Variants in ROBO2 observed in about 807,000 individuals in gnomAD.
ROBO2 encodes roundabout homolog 2.
A neutral mutation model predicts 160.8 loss-of-function variants in ROBO2; 53 were observed. The ratio of observed to expected loss-of-function variants is 0.33; its 90% confidence interval spans 0.26 to 0.41. The LOEUF (loss-of-function observed/expected upper bound fraction) is 0.41. ROBO2 is among the 10% of genes least tolerant of loss of function. The probability of loss-of-function intolerance (pLI) is 1.00; values close to 1 mark genes in which losing one functional copy is unlikely to be tolerated. For missense variants in ROBO2, 1,577 were observed against 1,722.4 expected (o/e 0.92, Z 1.49); for synonymous variants, 664 against 611.7 (o/e 1.09, Z -1.26).
intron 2 of ROBO2, among the ~76,000 whole-genome samples, chr3:76,620,201 G>A (rs1462210826): frequency 1.3e-5 from 2 of 152,108 alleles, no homozygotes; most frequent in Non-Finnish European, 2.9e-5. Context: ...ATTTGTATAT[G>A]ATATGACTAA....
intron 2 of ROBO2, among the ~76,000 whole-genome samples, chr3:77,179,883 T>C (rs1464889695): frequency 1.3e-5 from 2 of 152,104 alleles, no homozygotes; most frequent in Non-Finnish European, 2.9e-5. Context: ...GTTAAGGAGA[T>C]AGTTTCATGA....
At chr3:76,349,111 C>T (rs1254920356) in intron 2 of ROBO2, among the ~76,000 whole-genome samples, 1 of 152,030 alleles carries the variant, frequency 6.6e-6, no homozygotes, top group African/African-American at 2.4e-5. Flanking sequence ...GATTTAAACT[C>T]TGCATAAGTG....
intron 2 of ROBO2, among the ~76,000 whole-genome samples, chr3:75,947,337 A>T (rs932655269): frequency 1.3e-5 from 2 of 152,162 alleles, no homozygotes; most frequent in African/African-American, 4.8e-5. Context: ...TAAAGTCATG[A>T]ATCTAGGTGA....
chr3:75,969,700 T>A (rs1388720346), intron 2 of ROBO2, among the ~76,000 whole-genome samples: 1 of 151,654 alleles, frequency 6.6e-6, no homozygotes, highest in Non-Finnish European at 1.5e-5. Flanking sequence ...ATGTCTTTTT[T>A]AAATAACATC....
intron 2 of ROBO2, among the ~76,000 whole-genome samples, chr3:76,051,726 C>T (rs2067659865): frequency 6.6e-6 from 1 of 152,048 alleles, no homozygotes; most frequent in Non-Finnish European, 1.5e-5. Flanking sequence ...ACTACATATA[C>T]CACATTATCT....
intron 2 of ROBO2, among the ~76,000 whole-genome samples, chr3:76,868,597 C>T (rs944093082): frequency 2.0e-5 from 3 of 151,972 alleles, no homozygotes; most frequent in African/African-American, 7.2e-5. Context: ...ATAACTAAGT[C>T]GAATATATGT....
chr3:76,469,746 C>T (rs530654185), intron 2 of ROBO2, among the ~76,000 whole-genome samples: 35 of 152,030 alleles, frequency 2.3e-4, no homozygotes, highest in African/African-American at 7.2e-4. Flanking sequence ...GTTCTACTCC[C>T]GCACCCCTAT....
chr3:77,493,307 T>G (rs2153600509), exon 5 of ROBO2: 1 of 1,614,096 alleles, frequency 6.2e-7, no homozygotes, highest in Non-Finnish European at 8.5e-7. Flanking sequence ...GCTGTAGAAT[T>G]TCGTTGTCAA....
At position 76,789,782 on chromosome 3, in the gene ROBO2, G is replaced by A. The variant is rs139967616; in HGVS notation, c.110-308232G>A. ...GCAAATTTGATTTAAGAAATAGAAC[G>A]TCAAGAAAAAGGAATGTCATGTATT... On this transcript the variant is annotated intron_variant, in intron 2 of 26. Transcript: ENST00000487694. Among the ~76,000 whole-genome samples the A allele has an allele frequency of 5.3e-4, 81 of 151,598 alleles. No individual in the cohort carries two copies. The East Asian group carries it at 0.015, about 27-fold the overall frequency.
rs190588300 is a variant in ROBO2, at chr3:77,220,144, C to T, written c.388+121804C>T. On this transcript the variant is annotated intron_variant, in intron 2 of 25. Coordinates refer to ENST00000461745, the Ensembl canonical transcript of ROBO2. ...TCCTGCCTCAGCCTCCCAAGTAGCT[C>T]GGACTACAGGCACGTGCCACCACGC... Among the ~76,000 whole-genome samples the T allele has an allele frequency of 2.6e-3, 393 of 151,962 alleles. 3 individuals are homozygous for T. The highest frequency in any genetic ancestry group is 9.0e-3 in the African/African-American group (375 of 41,438).
chr3:77,230,161 C>G (rs1001826817), intron 2 of ROBO2, among the ~76,000 whole-genome samples: 5 of 152,074 alleles, frequency 3.3e-5, no homozygotes, highest in Non-Finnish European at 4.4e-5. Context: ...AAGCTCATCT[C>G]ACTGCAGCCT....
At chr3:77,195,050 T>C (rs2082193624) in intron 2 of ROBO2, among the ~76,000 whole-genome samples, 1 of 152,144 alleles carries the variant, frequency 6.6e-6, no homozygotes, top group Non-Finnish European at 1.5e-5. Context: ...TTTATAAATC[T>C]CAACCCATGA....
At chr3:76,656,139 T>C (rs1177634620) in intron 2 of ROBO2, among the ~76,000 whole-genome samples, 3 of 152,164 alleles carry the variant, frequency 2.0e-5, no homozygotes, top group Non-Finnish European at 4.4e-5. Context: ...AAGTTGCTCA[T>C]GATGGAGTTT....
In ROBO2 at chr3:76,884,121, T is replaced by C. The variant is rs141745567; in HGVS notation, c.110-213893T>C. ...AGTAGCACATCTTCATATGCTTTTT[T>C]GATAGATGAAAAGCATCTTAATAGA... On this transcript the variant is annotated intron_variant, in intron 2 of 26. Transcript: ENST00000487694. Among the ~76,000 whole-genome samples the C allele has an allele frequency of 4.7e-3, 709 of 152,330 alleles. 4 individuals are homozygous for C. Among genetic ancestry groups the C allele is most frequent in the African/African-American group, 0.017 (688 of 41,574 alleles).
chr3:77,138,896 T>C (rs1157561641), intron 2 of ROBO2, among the ~76,000 whole-genome samples: 1 of 152,074 alleles, frequency 6.6e-6, no homozygotes, highest in Non-Finnish European at 1.5e-5. Flanking sequence ...TGGAAGTGTC[T>C]AGCTGTGAGA....
intron 2 of ROBO2, among the ~76,000 whole-genome samples, chr3:76,231,839 C>T (rs933839010): frequency 3.3e-5 from 5 of 152,026 alleles, no homozygotes; most frequent in Non-Finnish European, 7.4e-5. Flanking sequence ...GGCAGCAACA[C>T]GTAGAAAAAC....
At chr3:76,184,053 T>C (rs1459107078) in intron 2 of ROBO2, among the ~76,000 whole-genome samples, 1 of 152,148 alleles carries the variant, frequency 6.6e-6, no homozygotes, top group African/African-American at 2.4e-5. Flanking sequence ...TTTGTGTGTG[T>C]CCCCATATCT....
intron 2 of ROBO2, among the ~76,000 whole-genome samples, chr3:76,393,392 G>T (rs1035070911): frequency 6.6e-6 from 1 of 152,120 alleles, no homozygotes; most frequent in Non-Finnish European, 1.5e-5. Flanking sequence ...AAATTTCATT[G>T]TAGAAAATTT....
intron 2 of ROBO2, among the ~76,000 whole-genome samples, chr3:77,152,850 A>C (rs1312313468): frequency 6.6e-6 from 1 of 152,212 alleles, no homozygotes; most frequent in East Asian, 1.9e-4. Flanking sequence ...CAATTGTGCA[A>C]CTATTTCAGT....
Sources: gnomAD v4.1 joint callset for allele counts (sites outside exome capture counted in the v4.1 genomes callset) on GRCh38, gnomAD v4.1.1 for gene constraint, MANE v1.5 for transcripts, NCBI Gene and HGNC (gene_info 2026-07-23, HGNC 2026-07-21) for gene names.